Variants in TTN observed in about 807,000 individuals in gnomAD.
TTN encodes the protein titin.
In TTN, 1,525 loss-of-function variants were observed where a neutral mutation model predicts 3,223.0. The ratio of observed to expected loss-of-function variants is 0.47; its 90% CI spans 0.45 to 0.49. The LOEUF (loss-of-function observed/expected upper bound fraction) is 0.49. TTN is among the 20% of genes least tolerant of loss of function. The pLI is 0.00. For synonymous variants in TTN, 14,094 were observed against 15,161.0 expected, an observed-to-expected ratio of 0.93 and a Z score of 5.17; for missense variants, 40,786 against 43,424.0, an observed-to-expected ratio of 0.94 and a Z score of 5.40.
Position 178,570,038 on chromosome 2 carries a change from C to T in TTN, c.76094G>A (p.Arg25365Lys). The stretch of plus-strand genomic sequence containing the variant: ...GTGATTTTCTATGAGTCCAGTTACT[C>T]TCAGGCGCAACTCTCCAATCAGACG... Reference protein sequence around the residue: ...HKRLIGELRLRVTGLIENHDY... With the variant: ...HKRLIGELRLKVTGLIENHDY... Residue 25365 changes from arginine (R) to lysine (K), a missense_variant, in exon 326 of 363, where the codon AGA (arginine) becomes AAA (lysine). Coordinates refer to ENST00000589042, the MANE Select transcript of TTN (RefSeq NM_001267550.2). The T allele has an allele frequency of 6.2e-7, 1 of 1,613,336 alleles. No individual in the cohort carries two copies. Among genetic ancestry groups the T allele is most frequent in the Non-Finnish European group, 8.5e-7 (1 of 1,179,566 alleles).
At chr2:178,746,463 C>T (rs2083589113) in intron 47 of TTN, 1 of 1,612,418 alleles carries the variant, frequency 6.2e-7, no homozygotes, top group Admixed American at 1.7e-5. Context: ...AATTCAACTT[C>T]CAGGACAATT....
In TTN at chr2:178,678,811, T is replaced by C. The variant is rs749466171; in HGVS notation, c.33762A>G (p.Lys11254=). The C allele has an allele frequency of 1.1e-5, 18 of 1,597,522 alleles. No individual in the cohort carries two copies. Among genetic ancestry groups the C allele is most frequent in the Non-Finnish European group, 1.4e-5 (17 of 1,174,540 alleles). ...PPAKVPEVPK[K]PVPEEKVPVP... The stretch of plus-strand genomic sequence containing the variant: ...CTGGTACTTTCTCCTCTGGCACAGG[T>C]TTCTTGGGCACTTCAGGAACTTCAA... Residue 11254 remains lysine, a synonymous_variant, in exon 143 of 363, where the codon AAA becomes AAG. Coordinates refer to ENST00000589042, the MANE Select transcript of TTN (RefSeq NM_001267550.2).
Position 178,594,208 on chromosome 2 carries a change from C to G in TTN, c.58185G>C (p.Lys19395Asn). The G allele has an allele frequency of 6.2e-7, 1 of 1,613,292 alleles. No individual in the cohort carries two copies. Residue 19395 changes from lysine (K) to asparagine (N), a missense_variant, in exon 297 of 363, where the codon AAG becomes AAC. Lys to Asn is a moderately conservative substitution (Grantham distance 94). Transcript: ENST00000589042. ...AAGCTTCACCAACTCGAATCGTGAG[C>G]TTATCTCTGAAGTCGAGGTGAAGCG... is the stretch of plus-strand genomic sequence containing the variant. ...PPTLHLDFRD[K>N]LTIRVGEAFA...
rs1292259010 is a variant in TTN at position 178,680,280 on chromosome 2, C to A, written c.33392G>T (p.Arg11131Ile). Residue 11131 changes from arginine to isoleucine, a missense_variant, in exon 139 of 363, where the codon AGA (arginine) becomes ATA (isoleucine). Coordinates refer to ENST00000589042, the MANE Select transcript of TTN (RefSeq NM_001267550.2). Reference sequence around the variant, plus strand: ...TCTAACAGGTGGTGCTACTTCTTTTCTAGGGACAGGTACTTTTTCTTCTGC... The same window carrying A: ...TCTAACAGGTGGTGCTACTTCTTTTATAGGGACAGGTACTTTTTCTTCTGC... ...VVAEEKVPVP[R>I]KEVAPPVRVP... 3 of 1,612,110 alleles carry A rather than the reference C, an allele frequency of 1.9e-6. No individual in the cohort carries two copies. The highest frequency in any genetic ancestry group is 2.5e-6 in the Non-Finnish European group (3 of 1,179,104).
chr2:178,550,788 A>G, intron 336 of TTN, 179 bp downstream of exon 336: 2 of 625,106 alleles, frequency 3.2e-6, no homozygotes, highest in Non-Finnish European at 5.4e-6. Context: ...AATAGAAAAA[A>G]TAATTGATGC....
intron 47 of TTN, chr2:178,744,442 G>T (rs948086446): frequency 6.4e-6 from 6 of 931,502 alleles, no homozygotes; most frequent in Non-Finnish European, 6.4e-6. Flanking sequence ...AGAAGACTTG[G>T]GTCCACATTA....
chr2:178,670,381 A>G (rs1417408823), intron 156 of TTN, 86 bp from the exon 157 acceptor site: 7 of 641,334 alleles, frequency 1.1e-5, no homozygotes, highest in Non-Finnish European at 1.7e-5. Context: ...AACACAGAAC[A>G]GAACACAGCA....
Position 178,706,115 on chromosome 2 carries a change from A to G in TTN, c.29420+339T>C, listed in dbSNP as rs770678713. 2.6e-5 allele frequency among the ~76,000 whole-genome samples: 4 copies of G among 152,134 alleles called. No individual in the cohort carries two copies. In the South Asian group the frequency reaches 6.2e-4, roughly 24 times the overall value. On this transcript the variant is annotated intron_variant, in intron 102 of 362. Transcript: ENST00000589042. ...TGAGATGGATGGCCCATGACTCTTG[A>G]GAGATTCTTTTTGTGAATGGGACAT...
Position 178,645,954 on chromosome 2 carries a change from C to T in TTN, c.40374G>A (p.Lys13458=). ...GGAATATTTTCTCCTTCACATCTTC[C>T]TTAGGTGGAGCAGGTGGAGGAGGTG... The part of the protein sequence containing the change: ...RPPPPPPAPP[K]EDVKEKIFQL... Residue 13458 remains lysine, a synonymous_variant, in exon 217 of 363, where the codon AAG becomes AAA. Coordinates refer to ENST00000589042, the MANE Select transcript of TTN (RefSeq NM_001267550.2). 1 of 1,587,888 alleles carries T rather than the reference C, an allele frequency of 6.3e-7. No individual in the cohort carries two copies. The highest frequency in any genetic ancestry group is 8.6e-7 in the Non-Finnish European group (1 of 1,169,236).
At chr2:178,679,145 G>A (rs540343661) in intron 142 of TTN, among the ~76,000 whole-genome samples, 194 bp downstream of exon 142, 2 of 151,958 alleles carry the variant, frequency 1.3e-5, no homozygotes, top group Non-Finnish European at 2.9e-5. Context: ...GCCAACCATT[G>A]AGCATAAGCA....
At chr2:178,641,175 T>C (rs2061187568) in intron 220 of TTN, 66 bp downstream of exon 220, 1 of 1,106,136 alleles carries the variant, frequency 9.0e-7, no homozygotes, top group South Asian at 1.5e-5. Context: ...GTTTACAAGA[T>C]AAACCTTTTG....
In TTN at chr2:178,548,023, G is replaced by C. The variant is rs765759269; in HGVS notation, c.93603C>G (p.Phe31201Leu). The change falls in exon 339 of 363, where the codon TTC becomes TTG. Residue 31201 changes from phenylalanine to leucine, a missense_variant. Transcript: ENST00000589042. This position sits in a 1 kb window ranked among gnomAD's most constrained non-coding sequence, Gnocchi z 4.3. Reference protein sequence around the residue: ...DAGYSEPREAFSSVIIKEPQI... With the variant: ...DAGYSEPREALSSVIIKEPQI... ...GAGGCTCCTTAATGATGACAGAAGA[G>C]AAGGCTTCTCTGGGTTCACTATAGC... 1.2e-6 allele frequency: 2 copies of C among 1,613,704 alleles called. No individual in the cohort carries two copies. Among genetic ancestry groups the C allele is most frequent in the Non-Finnish European group, 1.7e-6 (2 of 1,179,796 alleles).
In TTN at chr2:178,769,694, T is replaced by C; in HGVS notation, c.8887A>G (p.Thr2963Ala). 1 of 1,593,928 alleles carries C rather than the reference T, an allele frequency of 6.3e-7. No homozygotes were observed. Among genetic ancestry groups the C allele is most frequent in the Non-Finnish European group, 8.5e-7 (1 of 1,173,464 alleles). The change falls in exon 37 of 363, where the codon ACC (threonine) becomes GCC (alanine). Residue 2963 changes from threonine to alanine, a missense_variant. By Grantham distance (58) the Thr-to-Ala change is moderately conservative. Transcript: ENST00000589042. The part of the protein sequence containing the change: ...FVCGNDQVSA[T>A]LTVTPIMITS... ...TTTAACTTACGGGTGACTGTCAGGG[T>C]GGCACTGACTTGGTCATTGCCACAG...
chr2:178,542,324 T>C lies in TTN; in HGVS notation c.97432A>G (p.Asn32478Asp). Residue 32478 changes from asparagine (N) to aspartate (D), a missense_variant, in exon 349 of 363, where the codon AAC (asparagine) becomes GAC (aspartate). Physicochemically the swap from Asn to Asp is conservative, Grantham distance 23 (BLOSUM62 1). Coordinates refer to ENST00000589042, the MANE Select transcript of TTN (RefSeq NM_001267550.2). Reference protein sequence around the residue: ...NEYVFRVAATNRFGIGSYLQS... With the variant: ...NEYVFRVAATDRFGIGSYLQS... ...AAGTAAGAGCCAATCCCGAAGCGGTTTGTTGCAGCCACACGGAACACATAC... is the reference window on the plus strand; with the variant it reads ...AAGTAAGAGCCAATCCCGAAGCGGTCTGTTGCAGCCACACGGAACACATAC... 1 of 1,613,146 alleles carries C rather than the reference T, an allele frequency of 6.2e-7. No homozygotes were observed. The highest frequency in any genetic ancestry group is 8.5e-7 in the Non-Finnish European group (1 of 1,179,520).
intron 151 of TTN, among the ~76,000 whole-genome samples, chr2:178,674,020 A>G (rs1003864246): frequency 6.6e-6 from 1 of 151,816 alleles, no homozygotes; most frequent in Non-Finnish European, 1.5e-5. Flanking sequence ...TAATATTAAA[A>G]ACAAAATTAA....
At chr2:178,607,760 A>AT (rs2055261340) in intron 276 of TTN, 25 bp downstream of exon 276, 1 of 1,612,200 alleles carries the variant, frequency 6.2e-7, no homozygotes, top group African/African-American at 1.3e-5. Context: ...AATATCCATA[A>AT]TTTTATTCCA....
At chr2:178,791,090 T>C (rs1044424062) in intron 10 of TTN, among the ~76,000 whole-genome samples, 5 of 152,178 alleles carry the variant, frequency 3.3e-5, no homozygotes, top group South Asian at 2.1e-4. Flanking sequence ...TCTTGAGACA[T>C]GTCAACGTGT....
At position 178,579,140 on chromosome 2, in the gene TTN, G is replaced by A; in HGVS notation, c.67890C>T (p.Gly22630=). 6.2e-7 allele frequency: 1 copy of A among 1,613,378 alleles called. No individual in the cohort carries two copies. The highest frequency in any genetic ancestry group is 8.5e-7 in the Non-Finnish European group (1 of 1,179,550). ...TTATGGAGATAGTTCCTTCCTTGGT[G>A]CCAGCAACATTCTTAAGTGTGATTG... The part of the protein sequence containing the change: ...KYTITLKNVA[G]TKEGTISIKV... The change falls in exon 320 of 363, where the codon GGC becomes GGT. Residue 22630 remains glycine, a synonymous_variant. Transcript: ENST00000589042.
intron 250 of TTN, 56 bp from the exon 251 acceptor site, chr2:178,618,909 A>G: frequency 1.3e-6 from 2 of 1,572,702 alleles, no homozygotes; most frequent in Admixed American, 3.8e-5. Flanking sequence ...GCCAAGCTAC[A>G]TCATGTTATT....
Sources: gnomAD v4.1 joint callset for allele counts (sites outside exome capture counted in the v4.1 genomes callset) on GRCh38, gnomAD v4.1.1 for gene constraint, Gnocchi (gnomAD v3.1) non-coding constraint, MANE v1.5 for transcripts, NCBI Gene and HGNC (gene_info 2026-07-23, HGNC 2026-07-21) for gene names.